Variants in BCAS3 observed in about 807,000 individuals in gnomAD.
BCAS3 encodes BCAS3 microtubule associated cell migration factor, also known as BCAS4/BCAS3 fusion.
Under a neutral mutation model 116.1 loss-of-function variants are expected in BCAS3, and 53 were observed. The ratio of observed to expected loss-of-function variants is 0.46; its 90% CI spans 0.37 to 0.57. The LOEUF is 0.57. Among genes scored for constraint, BCAS3 ranks in the 20% least tolerant of loss-of-function variants. BCAS3 has a pLI of 0.00. For synonymous variants in BCAS3, 391 were observed against 408.2 expected (o/e 0.96, Z 0.51); for missense variants, 917 against 1,165.4 (o/e 0.79, Z 3.10).
intron 5 of BCAS3, among the ~76,000 whole-genome samples, chr17:60,716,723 A>AAT (rs1555676471): frequency 6.6e-6 from 1 of 151,930 alleles, no homozygotes; most frequent in Non-Finnish European, 1.5e-5. Flanking sequence ...AAAAAAAAAA[A>AAT]AATAATAATA....
chr17:60,841,758 G>A (rs892725147), intron 7 of BCAS3, among the ~76,000 whole-genome samples: 5 of 151,958 alleles, frequency 3.3e-5, no homozygotes, highest in African/African-American at 7.3e-5. Flanking sequence ...ACAGGCTGGA[G>A]TAAAGGTCTC....
At position 61,256,451 on chromosome 17, in the gene BCAS3, G is replaced by T. The variant is rs1194554058; in HGVS notation, c.2426-111876G>T. On this transcript the variant is annotated intron_variant, in intron 22 of 23. Transcript: ENST00000407086. This position sits in a 1 kb window ranked among gnomAD's most constrained non-coding sequence, Gnocchi z 5.6. ...CCTGAGTAGCTGGGATTACAGGCGTGGGCCACCATACCTGGCTAATTTTTG... is the reference window on the plus strand; with the variant it reads ...CCTGAGTAGCTGGGATTACAGGCGTTGGCCACCATACCTGGCTAATTTTTG... Among the ~76,000 whole-genome samples the T allele has an allele frequency of 6.6e-6, 1 of 152,084 alleles. No individual in the cohort carries two copies. The highest frequency in any genetic ancestry group is 2.4e-5 in the African/African-American group (1 of 41,424).
intron 22 of BCAS3, among the ~76,000 whole-genome samples, chr17:61,299,137 A>G (rs2053212552): frequency 2.0e-5 from 3 of 151,406 alleles, no homozygotes; most frequent in Non-Finnish European, 4.4e-5. Context: ...ATTTAAATGT[A>G]GATAGCAAAA....
In BCAS3 at chr17:61,265,729, T is replaced by C. The variant is rs189638245; in HGVS notation, c.2426-102598T>C. Among the ~76,000 whole-genome samples, 75 of 152,146 alleles carry C rather than the reference T, an allele frequency of 4.9e-4. No homozygotes were observed. Among genetic ancestry groups the C allele is most frequent in the African/African-American group, 1.8e-3 (73 of 41,514 alleles). ...CCATCAAGTAGTATATCTGCCAGGG[T>C]TTGTGTGTGTCATACTGTCCTGGAC... is the stretch of plus-strand genomic sequence containing the variant. On this transcript the variant is annotated intron_variant, in intron 22 of 23. Coordinates refer to ENST00000407086, the MANE Select transcript of BCAS3 (RefSeq NM_017679.5). The surrounding 1 kb of genome is among the most constrained non-coding windows in gnomAD (Gnocchi z 4.3).
chr17:61,175,439 G>A (rs909128721), intron 22 of BCAS3, among the ~76,000 whole-genome samples: 12 of 151,972 alleles, frequency 7.9e-5, no homozygotes, highest in Non-Finnish European at 1.6e-4. Flanking sequence ...TCCAGTAGTT[G>A]AGATCAGTAA....
chr17:60,807,922 A>G (rs897682459), intron 6 of BCAS3, 82 bp from the exon 7 acceptor site: 51 of 961,606 alleles, frequency 5.3e-5, no homozygotes, highest in Non-Finnish European at 7.0e-5. Flanking sequence ...CTCCTTTTCA[A>G]GTATTTTGAA....
At chr17:61,015,602 C>G in intron 15 of BCAS3, 149 bp from the exon 16 acceptor site, 1 of 814,010 alleles carries the variant, frequency 1.2e-6, no homozygotes, top group South Asian at 1.7e-5. Flanking sequence ...TTCTTCTCAT[C>G]CACATAATTG....
chr17:60,830,852 T>G (rs1313492117), intron 7 of BCAS3, among the ~76,000 whole-genome samples: 3 of 92,430 alleles, frequency 3.2e-5, no homozygotes, highest in African/African-American at 2.1e-4. Context: ...ATTTTTGGGT[T>G]TTTTTTTTTT....
intron 12 of BCAS3, among the ~76,000 whole-genome samples, chr17:60,922,464 T>G (rs1212709846): frequency 1.3e-5 from 2 of 151,990 alleles, no homozygotes; most frequent in Non-Finnish European, 1.5e-5. Flanking sequence ...TTTACATAAT[T>G]TATTCTCATT....
At chr17:61,100,190 G>A (rs938296278) in intron 22 of BCAS3, among the ~76,000 whole-genome samples, 3 of 152,178 alleles carry the variant, frequency 2.0e-5, no homozygotes, top group African/African-American at 7.2e-5. Flanking sequence ...ATGAGTTTAT[G>A]TAGTTCTCAA....
rs1389230823 is a variant in BCAS3 at position 61,196,034 on chromosome 17, A to G, written c.2425+111470A>G. On this transcript the variant is annotated intron_variant, in intron 22 of 23. Transcript: ENST00000407086. This position sits in a 1 kb window ranked among gnomAD's most constrained non-coding sequence, Gnocchi z 4.7. ...TATGTAGGTAGTTTTAAAACTGAAA[A>G]TATAGCTTGTTTTTACCTCTCATCT... is the stretch of plus-strand genomic sequence containing the variant. Among the ~76,000 whole-genome samples the G allele has an allele frequency of 6.6e-6, 1 of 152,218 alleles. No homozygotes were observed. Among genetic ancestry groups the G allele is most frequent in the Non-Finnish European group, 1.5e-5 (1 of 68,032 alleles).
rs2047401047 is a variant in BCAS3, at chr17:60,798,363, T to C, written c.404-9641T>C. On this transcript the variant is annotated intron_variant, in intron 6 of 23. Coordinates refer to ENST00000407086, the MANE Select transcript of BCAS3 (RefSeq NM_017679.5). ...AATTCCTCTGTGCTCTGCTTATTCA[T>C]GTCTTCCTCCTAATTCCTGCAACCA... 2.0e-5 allele frequency among the ~76,000 whole-genome samples: 3 copies of C among 152,252 alleles called. No individual in the cohort carries two copies. The South Asian group carries it at 6.2e-4, about 31-fold the overall frequency.
intron 14 of BCAS3, among the ~76,000 whole-genome samples, chr17:60,952,112 A>C (rs1196979278): frequency 6.6e-6 from 1 of 152,028 alleles, no homozygotes; most frequent in Non-Finnish European, 1.5e-5. Context: ...ATTTGAATTA[A>C]TTCATGAGCT....
intron 6 of BCAS3, among the ~76,000 whole-genome samples, chr17:60,799,850 C>T (rs1024299939): frequency 1.3e-5 from 2 of 150,988 alleles, no homozygotes; most frequent in African/African-American, 4.9e-5. Context: ...GCCAATGAGA[C>T]ACCGTGCCTG....
intron 4 of BCAS3, among the ~76,000 whole-genome samples, chr17:60,698,602 A>G (rs141914417): frequency 6.6e-6 from 1 of 152,354 alleles, no homozygotes; most frequent in East Asian, 1.9e-4. Context: ...CAGGGGTTTT[A>G]TGTGTGGCAT....
intron 7 of BCAS3, among the ~76,000 whole-genome samples, chr17:60,815,670 GGGAGCCAATGAAGTCT>G (rs2049315772): frequency 6.6e-6 from 1 of 152,132 alleles, no homozygotes. Flanking sequence ...GAACCATTCA[GGGAGCCAATGAAGTCT>G]GAAATAATGG....
At chr17:60,735,345 TAAA>T (rs2040851341) in intron 5 of BCAS3, among the ~76,000 whole-genome samples, 2 of 144,140 alleles carry the variant, frequency 1.4e-5, no homozygotes, top group Non-Finnish European at 2.9e-5. Context: ...AGGGTCATGT[TAAA>T]AAACCTGGTG....
At chr17:61,287,779 A>C (rs2051982042) in intron 22 of BCAS3, among the ~76,000 whole-genome samples, 1 of 152,216 alleles carries the variant, frequency 6.6e-6, no homozygotes, top group Non-Finnish European at 1.5e-5. Context: ...AAGTACACTT[A>C]TTATTGACTT....
chr17:61,150,342 T>G (rs2077477401), intron 22 of BCAS3, among the ~76,000 whole-genome samples: 1 of 152,242 alleles, frequency 6.6e-6, no homozygotes, highest in Non-Finnish European at 1.5e-5. Context: ...TTTTAAGTGT[T>G]GCCTTCTGGG....
Sources: allele counts gnomAD v4.1 joint callset (sites outside exome capture counted in the v4.1 genomes callset), GRCh38; gene constraint gnomAD v4.1.1; non-coding constraint Gnocchi (gnomAD v3.1); transcripts MANE v1.5; gene names NCBI Gene and HGNC (gene_info 2026-07-23, HGNC 2026-07-21).